Variants in NDUFAF2 observed in about 807,000 individuals in gnomAD.
NDUFAF2 encodes the protein NADH:ubiquinone oxidoreductase complex assembly factor 2.
NDUFAF2 carries 13 observed loss-of-function variants against 22.8 expected under a neutral mutation model. That is an observed-to-expected ratio of 0.57 (90% CI 0.37 to 0.91). The LOEUF (loss-of-function observed/expected upper bound fraction) is 0.91. NDUFAF2 is among the 40% of genes least tolerant of loss of function. NDUFAF2 has a pLI of 0.01. For missense variants in NDUFAF2, 162 were observed against 195.2 expected, an observed-to-expected ratio of 0.83 and a Z score of 1.01; for synonymous variants, 53 against 64.2, an observed-to-expected ratio of 0.83 and a Z score of 0.84.
chr5:61,104,294 C>CT (rs1267500028), intron 3 of NDUFAF2, among the ~76,000 whole-genome samples: 4 of 151,778 alleles, frequency 2.6e-5, no homozygotes, highest in South Asian at 2.1e-4. Flanking sequence ...AATATTGCTT[C>CT]TTTTTTTTAT....
chr5:61,012,685 G>A (rs1290388092), intron 1 of NDUFAF2, among the ~76,000 whole-genome samples: 1 of 151,538 alleles, frequency 6.6e-6, no homozygotes, highest in Non-Finnish European at 1.5e-5. Context: ...AATACATTTG[G>A]ATCTATATTT....
chr5:61,120,333 G>T (rs1752961058), intron 3 of NDUFAF2, among the ~76,000 whole-genome samples: 1 of 152,120 alleles, frequency 6.6e-6, no homozygotes. Context: ...AACTGTAGAT[G>T]TTTATTTATT....
In NDUFAF2 at chr5:61,040,284, A is replaced by ACGCG. The variant is rs1297710611; in HGVS notation, c.128-32840_128-32839insGCGC. Among the ~76,000 whole-genome samples the ACGCG allele has an allele frequency of 4.4e-3, 385 of 87,198 alleles. 1 individual carries two copies. Among genetic ancestry groups the ACGCG allele is most frequent in the African/African-American group, 0.019 (354 of 18,360 alleles). 57.2% of individuals were successfully genotyped at this position (87,198 alleles called of 152,430 possible). ...CACACACACACACACACACACACAC[A>ACGCG]CACGCGCGCGCGCGCGCGAAAGTTG... On this transcript the variant is annotated intron_variant, in intron 1 of 3. Coordinates refer to ENST00000296597, the MANE Select transcript of NDUFAF2 (RefSeq NM_174889.5).
intron 3 of NDUFAF2, among the ~76,000 whole-genome samples, chr5:61,113,219 A>G (rs972719159): frequency 6.6e-6 from 1 of 152,076 alleles, no homozygotes; most frequent in East Asian, 1.9e-4. Flanking sequence ...AATATTCTAT[A>G]TTATTCTGTT....
chr5:61,108,418 T>C (rs1472515325), intron 3 of NDUFAF2, among the ~76,000 whole-genome samples: 2 of 151,188 alleles, frequency 1.3e-5, no homozygotes, highest in Non-Finnish European at 2.9e-5. Flanking sequence ...TGGTATTTCA[T>C]TGTGGTTTTG....
intron 2 of NDUFAF2, among the ~76,000 whole-genome samples, chr5:61,094,645 G>A (rs1248100985): frequency 6.6e-6 from 1 of 152,152 alleles, no homozygotes; most frequent in Non-Finnish European, 1.5e-5. Context: ...GATCTTTGAA[G>A]TTGCTGACCT....
At chr5:61,125,824 C>A (rs1481093519) in intron 3 of NDUFAF2, among the ~76,000 whole-genome samples, 1 of 151,962 alleles carries the variant, frequency 6.6e-6, no homozygotes, top group African/African-American at 2.4e-5. Flanking sequence ...ATTTTGATTA[C>A]CTAAATAATC....
intron 1 of NDUFAF2, among the ~76,000 whole-genome samples, chr5:61,005,734 G>A (rs1183599492): frequency 6.6e-6 from 1 of 152,150 alleles, no homozygotes; most frequent in Non-Finnish European, 1.5e-5. Context: ...CTGCATAAAT[G>A]TCTTCTTTTG....
At chr5:60,955,289 A>G (rs936864504) in intron 1 of NDUFAF2, among the ~76,000 whole-genome samples, 3 of 152,190 alleles carry the variant, frequency 2.0e-5, no homozygotes, top group African/African-American at 7.2e-5. Flanking sequence ...GCATGTGGAT[A>G]TCTAGTTTTC....
intron 1 of NDUFAF2, among the ~76,000 whole-genome samples, chr5:61,023,886 T>A (rs2112605522): frequency 6.6e-6 from 1 of 152,272 alleles, no homozygotes; most frequent in Non-Finnish European, 1.5e-5. Context: ...TTTTCACTCC[T>A]GCAAGTGATT....
intron 1 of NDUFAF2, among the ~76,000 whole-genome samples, chr5:61,022,293 G>A (rs575455902): frequency 1.3e-5 from 2 of 152,036 alleles, no homozygotes; most frequent in South Asian, 4.2e-4. Flanking sequence ...ATCTTTTCTC[G>A]TAACATATTC....
chr5:61,038,775 A>C (rs1405079110), intron 1 of NDUFAF2, among the ~76,000 whole-genome samples: 1 of 152,162 alleles, frequency 6.6e-6, no homozygotes, highest in African/African-American at 2.4e-5. Context: ...TCATCCAAAA[A>C]GGGTGACAAA....
intron 3 of NDUFAF2, among the ~76,000 whole-genome samples, chr5:61,107,074 C>CACAT (rs1235128377): frequency 6.7e-6 from 1 of 150,088 alleles, no homozygotes; most frequent in African/African-American, 2.5e-5. Flanking sequence ...CACACACACA[C>CACAT]ACACACACAC....
At chr5:61,028,646 G>T (rs1166924614) in intron 1 of NDUFAF2, among the ~76,000 whole-genome samples, 3 of 151,988 alleles carry the variant, frequency 2.0e-5, no homozygotes, top group African/African-American at 4.8e-5. Context: ...TACTAAAAAT[G>T]ATCCATAAAC....
At chr5:61,143,976 G>T (rs983603361) in intron 3 of NDUFAF2, among the ~76,000 whole-genome samples, 2 of 150,192 alleles carry the variant, frequency 1.3e-5, no homozygotes, top group Admixed American at 1.3e-4. Context: ...GTGTGTGTGT[G>T]TGTGTGTGTG....
chr5:61,052,252 C>T (rs1286314449), intron 1 of NDUFAF2, among the ~76,000 whole-genome samples: 1 of 152,128 alleles, frequency 6.6e-6, no homozygotes, highest in Non-Finnish European at 1.5e-5. Flanking sequence ...CTCTTAATAA[C>T]ACTGGGTCTG....
At chr5:61,034,611 G>A (rs1751772935) in intron 1 of NDUFAF2, among the ~76,000 whole-genome samples, 1 of 152,080 alleles carries the variant, frequency 6.6e-6, no homozygotes. Flanking sequence ...AAATGTGATG[G>A]CAGCAAGATA....
chr5:60,990,815 GGT>G (rs1209182299), intron 1 of NDUFAF2, among the ~76,000 whole-genome samples: 2 of 151,938 alleles, frequency 1.3e-5, no homozygotes, highest in Non-Finnish European at 2.9e-5. Context: ...TGTATTTCTA[GGT>G]GTGTGTGTGT....
intron 1 of NDUFAF2, among the ~76,000 whole-genome samples, chr5:60,956,430 C>G (rs1297893775): frequency 6.6e-6 from 1 of 152,074 alleles, no homozygotes; most frequent in Non-Finnish European, 1.5e-5. Context: ...CATTCCTAAC[C>G]TTAGAGGAAA....
Sources: allele counts gnomAD v4.1 joint callset (sites outside exome capture counted in the v4.1 genomes callset), GRCh38; gene constraint gnomAD v4.1.1; transcripts MANE v1.5; gene names NCBI Gene and HGNC (gene_info 2026-07-23, HGNC 2026-07-21).